Variants in BTBD2 observed in about 807,000 individuals in gnomAD.
BTBD2 encodes the protein BTB domain containing 2.
Under a neutral mutation model 44.0 loss-of-function variants are expected in BTBD2, and 15 were observed. The ratio of observed to expected loss-of-function variants is 0.34; its 90% CI spans 0.23 to 0.53. BTBD2 has a LOEUF of 0.53. BTBD2 is among the 20% of genes least tolerant of loss of function. The pLI is 0.95. For synonymous variants in BTBD2, 443 were observed against 335.9 expected (o/e 1.32, Z -3.49); for missense variants, 657 against 746.4 (o/e 0.88, Z 1.39).
chr19:2,005,636 G>A (rs945110356), intron 1 of BTBD2, among the ~76,000 whole-genome samples: 1 of 151,914 alleles, frequency 6.6e-6, no homozygotes, highest in Non-Finnish European at 1.5e-5. Context: ...ACAAAACGTA[G>A]TCAGGTGCAG....
intron 1 of BTBD2, among the ~76,000 whole-genome samples, chr19:2,005,410 G>A (rs1214864146): frequency 1.3e-5 from 2 of 151,942 alleles, no homozygotes; most frequent in Admixed American, 1.3e-4. Flanking sequence ...TGACTTCCTG[G>A]GCTCAAGTGA....
intron 6 of BTBD2, 83 bp from the exon 7 acceptor site, chr19:1,987,336 G>A (rs1349613889): frequency 3.3e-6 from 5 of 1,522,566 alleles, no homozygotes; most frequent in East Asian, 4.7e-5. Flanking sequence ...CCCATGCCCG[G>A]TCCCCTCCAT....
chr19:1,992,268 A>G (rs988170516), intron 3 of BTBD2, among the ~76,000 whole-genome samples: 11 of 151,812 alleles, frequency 7.2e-5, no homozygotes, highest in African/African-American at 1.7e-4. Context: ...AATTTATGAA[A>G]TATTTTTTTT....
chr19:2,004,711 G>C (rs1280642579), intron 1 of BTBD2, among the ~76,000 whole-genome samples: 3 of 151,346 alleles, frequency 2.0e-5, no homozygotes, highest in African/African-American at 7.3e-5. Context: ...AGGAGCAGTG[G>C]CTCATGCCTG....
Position 1,987,565 on chromosome 19 carries a change from G to C in BTBD2, c.1116C>G (p.Cys372Trp). 6.2e-7 allele frequency: 1 copy of C among 1,611,942 alleles called. No homozygotes were observed. Among genetic ancestry groups the C allele is most frequent in the Non-Finnish European group, 8.5e-7 (1 of 1,179,358 alleles). The change falls in exon 6 of 9, where the codon TGC (cysteine) becomes TGG (tryptophan). Residue 372 changes from cysteine (C) to tryptophan (W), a missense_variant. This residue lies in a region of BTBD2 where 449 missense variants were observed against 510.9 expected (regional missense o/e 0.88). Coordinates refer to ENST00000255608, the MANE Select transcript of BTBD2 (RefSeq NM_017797.4). Reference protein sequence around the residue: ...RPRCCLRGKECSINRFQQVES... With the variant: ...RPRCCLRGKEWSINRFQQVES... The stretch of plus-strand genomic sequence containing the variant: ...CCACCTGCTGGAAGCGGTTGATGCT[G>C]CACTCCTTCCCACGCAGGCAGCAGC...
intron 1 of BTBD2, among the ~76,000 whole-genome samples, chr19:2,010,239 G>A (rs1463393224): frequency 6.6e-6 from 1 of 152,228 alleles, no homozygotes; most frequent in African/African-American, 2.4e-5. Flanking sequence ...GAGATCTTCA[G>A]TTCTCCCTTC....
intron 1 of BTBD2, chr19:2,014,059 T>G (rs1478815752): frequency 2.7e-5 from 4 of 150,088 alleles, no homozygotes; most frequent in Admixed American, 2.7e-4. Context: ...CTCTCCATCC[T>G]GGGATGCAGG....
chr19:1,999,808 A>C (rs1284070091), intron 1 of BTBD2, among the ~76,000 whole-genome samples: 1 of 151,298 alleles, frequency 6.6e-6, no homozygotes, highest in Non-Finnish European at 1.5e-5. Context: ...CTAAAAATAC[A>C]AAAATTAGCT....
In BTBD2 at chr19:1,987,708, G is replaced by A. The variant is rs771012785; in HGVS notation, c.989-16C>T. On this transcript the variant is annotated splice_polypyrimidine_tract_variant and intron_variant, in intron 5 of 8. Coordinates refer to ENST00000255608, the MANE Select transcript of BTBD2 (RefSeq NM_017797.4). ...TGTGCGGGACCTGCAGCACAGGGAG[G>A]GTGTGGGGGAGGGCCGGGCTGCACC... The A allele has an allele frequency of 4.3e-5, 67 of 1,573,918 alleles. No homozygotes were observed. The highest frequency in any genetic ancestry group is 6.7e-5 in the African/African-American group (5 of 74,414).
chr19:1,992,797 C>T (rs2016197184), intron 3 of BTBD2, among the ~76,000 whole-genome samples: 1 of 152,178 alleles, frequency 6.6e-6, no homozygotes, highest in African/African-American at 2.4e-5. Context: ...GTCTGGAACG[C>T]CTGAGCTCAG....
At chr19:2,009,021 T>TTC (rs373383062) in intron 1 of BTBD2, among the ~76,000 whole-genome samples, 47 of 41,650 alleles carry the variant, frequency 1.1e-3, no homozygotes, top group African/African-American at 6.7e-3. Flanking sequence ...CACACTGTTC[T>TTC]TTTTTTTTTT....
chr19:2,000,631 GCCCA>G (rs1392132887), intron 1 of BTBD2, among the ~76,000 whole-genome samples: 1 of 152,076 alleles, frequency 6.6e-6, no homozygotes, highest in African/African-American at 2.4e-5. Context: ...TGCCTCCTCT[GCCCA>G]CCGTGAGTCC....
At chr19:2,003,874 G>A (rs1033793829) in intron 1 of BTBD2, among the ~76,000 whole-genome samples, 11 of 151,630 alleles carry the variant, frequency 7.3e-5, no homozygotes, top group African/African-American at 2.7e-4. Context: ...GAACCGCTTA[G>A]GGCAAACCAG....
At chr19:2,003,585 A>G (rs2016356434) in intron 1 of BTBD2, 1 of 152,142 alleles carries the variant, frequency 6.6e-6, no homozygotes, top group Admixed American at 6.6e-5. Flanking sequence ...CCTAACCAAC[A>G]TGGAGAAATC....
At chr19:1,992,260 T>C (rs1344741603) in intron 3 of BTBD2, among the ~76,000 whole-genome samples, 2 of 152,014 alleles carry the variant, frequency 1.3e-5, no homozygotes, top group Non-Finnish European at 2.9e-5. Context: ...GCTTGGCTAA[T>C]TTATGAAATA....
At chr19:2,008,912 G>A (rs767576239) in intron 1 of BTBD2, among the ~76,000 whole-genome samples, 2 of 151,986 alleles carry the variant, frequency 1.3e-5, no homozygotes, top group African/African-American at 4.8e-5. Context: ...AGAATTTGGT[G>A]AGCAGTTCTC....
chr19:1,999,276 T>C (rs2016293810), intron 1 of BTBD2, among the ~76,000 whole-genome samples: 1 of 152,154 alleles, frequency 6.6e-6, no homozygotes, highest in South Asian at 2.1e-4. Context: ...AACCTCGGAA[T>C]GCGAGGCCCG....
intron 1 of BTBD2, among the ~76,000 whole-genome samples, chr19:2,012,995 C>G (rs2016486529): frequency 1.3e-5 from 2 of 152,170 alleles, no homozygotes. Flanking sequence ...CCCACCGCCC[C>G]TCACTCCAAG....
chr19:1,997,913 C>A (rs1228567407), intron 1 of BTBD2, among the ~76,000 whole-genome samples: 1 of 151,942 alleles, frequency 6.6e-6, no homozygotes, highest in African/African-American at 2.4e-5. Flanking sequence ...TTCACATATT[C>A]ATTCATTAAC....
Sources: allele counts gnomAD v4.1 joint callset (sites outside exome capture counted in the v4.1 genomes callset), GRCh38; gene constraint gnomAD v4.1.1; regional missense constraint gnomAD v4.1.1; transcripts MANE v1.5; gene names NCBI Gene and HGNC (gene_info 2026-07-23, HGNC 2026-07-21).